Variants in FOXK2 observed in about 807,000 individuals in gnomAD.
The protein encoded by FOXK2 is forkhead box protein K2.
Under a neutral mutation model 53.3 loss-of-function variants are expected in FOXK2, and 24 were observed. The ratio of observed to expected loss-of-function variants is 0.45; its 90% CI spans 0.33 to 0.63. The LOEUF is 0.63. FOXK2 is among the 30% of genes least tolerant of loss of function. The pLI is 0.03. For missense variants in FOXK2, 952 were observed against 910.5 expected, an observed-to-expected ratio of 1.05 and a Z score of -0.59; for synonymous variants, 505 against 407.1, an observed-to-expected ratio of 1.24 and a Z score of -2.89.
In FOXK2 at chr17:82,601,337, C is replaced by G. The variant is rs757673228; in HGVS notation, c.1821C>G (p.His607Gln). The G allele has an allele frequency of 1.2e-6, 2 of 1,613,126 alleles. No homozygotes were observed. Among genetic ancestry groups the G allele is most frequent in the East Asian group, 2.2e-5 (1 of 44,878 alleles). The change falls in exon 9 of 9, where the codon CAC becomes CAG. Residue 607 changes from histidine to glutamine, a missense_variant. Transcript: ENST00000335255. The part of the protein sequence containing the change: ...AASPLHMLAT[H>Q]ASASASLPTK... Reference sequence around the variant, plus strand: ...GTCCTTTGCACATGTTGGCAACACACGCATCCGCATCGGCCTCCCTGCCCA... The same window carrying G: ...GTCCTTTGCACATGTTGGCAACACAGGCATCCGCATCGGCCTCCCTGCCCA...
Position 82,566,779 on chromosome 17 carries a change from C to T in FOXK2, c.615-1275C>T, listed in dbSNP as rs77726723. On this transcript the variant is annotated intron_variant, in intron 2 of 8. Transcript: ENST00000335255. Reference sequence around the variant, plus strand: ...CCTTGCTTGCCCCTCCCCACACCTGCACAGACCTTTGTCAGGGGGAACCCA... The same window carrying T: ...CCTTGCTTGCCCCTCCCCACACCTGTACAGACCTTTGTCAGGGGGAACCCA... 9.9e-3 allele frequency among the ~76,000 whole-genome samples: 1,515 copies of T among 152,298 alleles called. 28 individuals are homozygous for T. The highest frequency in any genetic ancestry group is 0.035 in the African/African-American group (1,455 of 41,546).
At chr17:82,559,263 G>A in intron 1 of FOXK2, 1 of 423,352 alleles carries the variant, frequency 2.4e-6, no homozygotes, top group Middle Eastern at 6.8e-4. Flanking sequence ...TTTCCACTGA[G>A]CTTCAGTCTG....
chr17:82,590,088 T>C (rs556685972), intron 8 of FOXK2, among the ~76,000 whole-genome samples: 5 of 152,108 alleles, frequency 3.3e-5, no homozygotes, highest in South Asian at 2.1e-4. Context: ...TTTCCTATTA[T>C]TGCTTTCATG....
chr17:82,571,124 G>A (rs2044912911), intron 3 of FOXK2, among the ~76,000 whole-genome samples: 1 of 152,156 alleles, frequency 6.6e-6, no homozygotes, highest in Non-Finnish European at 1.5e-5. Context: ...TGTACCCCTG[G>A]GGTAGCTGAC....
At position 82,546,506 on chromosome 17, in the gene FOXK2, G is replaced by A. The variant is rs1012834679; in HGVS notation, c.420-16848G>A. Reference sequence around the variant, plus strand: ...CTTGTAAGTGTGGTGGGGAAGCTAGGAGTCTGAGTGCACATGCAGGAGCTC... The same window carrying A: ...CTTGTAAGTGTGGTGGGGAAGCTAGAAGTCTGAGTGCACATGCAGGAGCTC... On this transcript the variant is annotated intron_variant, in intron 1 of 8. Coordinates refer to ENST00000335255, the MANE Select transcript of FOXK2 (RefSeq NM_004514.4). 3.0e-4 allele frequency among the ~76,000 whole-genome samples: 45 copies of A among 152,172 alleles called. 1 individual carries two copies. Among genetic ancestry groups the A allele is most frequent in the Admixed American group, 2.9e-3 (45 of 15,280 alleles).
chr17:82,521,391 A>T (rs1489249793), intron 1 of FOXK2, among the ~76,000 whole-genome samples: 1 of 148,892 alleles, frequency 6.7e-6, no homozygotes, highest in East Asian at 2.0e-4. Context: ...CCAGGCTGGT[A>T]TTGAACTCCT....
rs777565604 is a variant in FOXK2 at position 82,519,970 on chromosome 17, G to A, written c.82G>A (p.Gly28Ser). 11 of 1,189,698 alleles carry A rather than the reference G, an allele frequency of 9.2e-6. No homozygotes were observed. The African/African-American group carries it at 1.3e-4, about 14-fold the overall frequency. The allele number at this position is 1,189,698 out of a possible 1,614,324, so 73.7% of individuals were successfully genotyped here. A position where few individuals can be genotyped will look rare whatever the true frequency, so the allele number is the denominator to read the frequency against. ...GGCCGGGGGCGGCGGGGCCGGGGGCGGCGGGTCCCCGCCGGGCGGCTGGGC... is the reference window on the plus strand; with the variant it reads ...GGCCGGGGGCGGCGGGGCCGGGGGCAGCGGGTCCCCGCCGGGCGGCTGGGC... ...GGAGGGGAGGGGSPPGGWAVA... is the reference protein window; with the variant it reads ...GGAGGGGAGGSGSPPGGWAVA... Residue 28 changes from glycine to serine, a missense_variant, in exon 1 of 9, where the codon GGC becomes AGC. Transcript: ENST00000335255.
At chr17:82,574,192 C>G (rs2044954881) in intron 4 of FOXK2, among the ~76,000 whole-genome samples, 2 of 152,224 alleles carry the variant, frequency 1.3e-5, no homozygotes, top group African/African-American at 4.8e-5. Context: ...GTCTGTAAGT[C>G]TACAGCTGCA....
At chr17:82,553,022 G>C in intron 1 of FOXK2, among the ~76,000 whole-genome samples, 1 of 152,136 alleles carries the variant, frequency 6.6e-6, no homozygotes, top group African/African-American at 2.4e-5. Context: ...TGCAACCTCT[G>C]CCTCCTGAGT....
chr17:82,584,121 T>A lies in FOXK2; in HGVS notation c.1212T>A (p.Pro404=). 6.2e-7 allele frequency: 1 copy of A among 1,611,110 alleles called. No homozygotes were observed. Among genetic ancestry groups the A allele is most frequent in the Non-Finnish European group, 8.5e-7 (1 of 1,179,816 alleles). Reference sequence around the variant, plus strand: ...AAGGTTCGCCGGCCCCCCTGGAGCCTGAGCCTGGCGCTGCACAGCCCAAAC... The same window carrying A: ...AAGGTTCGCCGGCCCCCCTGGAGCCAGAGCCTGGCGCTGCACAGCCCAAAC... ...SREGSPAPLE[P]EPGAAQPKLA... Residue 404 remains proline, a synonymous_variant, in exon 6 of 9, where the codon CCT becomes CCA. Transcript: ENST00000335255.
intron 1 of FOXK2, among the ~76,000 whole-genome samples, chr17:82,538,050 C>G (rs1247051277): frequency 6.6e-6 from 1 of 151,082 alleles, no homozygotes. Context: ...ATGGTGAAAC[C>G]CTGTCTCTAC....
intron 1 of FOXK2, among the ~76,000 whole-genome samples, chr17:82,537,221 C>G (rs2044529229): frequency 6.6e-6 from 1 of 152,098 alleles, no homozygotes; most frequent in South Asian, 2.1e-4. Context: ...AATTCAGATA[C>G]TTGTTGACTG....
At chr17:82,573,318 C>T (rs962653317) in intron 4 of FOXK2, among the ~76,000 whole-genome samples, 1 of 152,000 alleles carries the variant, frequency 6.6e-6, no homozygotes, top group Non-Finnish European at 1.5e-5. Flanking sequence ...CTTGTGCCCA[C>T]CCCCCATACC....
intron 1 of FOXK2, among the ~76,000 whole-genome samples, chr17:82,561,594 T>TG (rs927990991): frequency 6.6e-6 from 1 of 151,552 alleles, no homozygotes; most frequent in Non-Finnish European, 1.5e-5. Flanking sequence ...ACCAAGACCG[T>TG]GGGGAGGACT....
chr17:82,526,278 TAAG>T (rs970020264), intron 1 of FOXK2, among the ~76,000 whole-genome samples: 3 of 151,650 alleles, frequency 2.0e-5, no homozygotes, highest in Admixed American at 2.0e-4. Context: ...AAAGAAGAAG[TAAG>T]AAGGAGGGGG....
At chr17:82,571,678 A>G in intron 3 of FOXK2, 46 bp from the exon 4 acceptor site, 1 of 1,457,272 alleles carries the variant, frequency 6.9e-7, no homozygotes, top group Non-Finnish European at 9.1e-7. Flanking sequence ...TTAATACAAA[A>G]TATGGTAACT....
At chr17:82,560,001 CTTTTTTTTTTT>C (rs10583366) in intron 1 of FOXK2, among the ~76,000 whole-genome samples, 5 of 97,574 alleles carry the variant, frequency 5.1e-5, no homozygotes, top group South Asian at 3.7e-4. Context: ...TCTGGATAGA[CTTTTTTTTTTT>C]TTTTTTTTTT....
At chr17:82,584,973 T>G (rs1027555261) in intron 6 of FOXK2, among the ~76,000 whole-genome samples, 1 of 152,262 alleles carries the variant, frequency 6.6e-6, no homozygotes, top group African/African-American at 2.4e-5. Flanking sequence ...GTGTCCAAAC[T>G]GTCTGTTACA....
At position 82,602,832 on chromosome 17, in the gene FOXK2, G is replaced by A. The variant is rs1022612335; in HGVS notation, c.*1333G>A. 6 of 152,284 alleles carry A rather than the reference G, an allele frequency of 3.9e-5. No homozygotes were observed. The highest frequency in any genetic ancestry group is 1.4e-4 in the African/African-American group (6 of 41,468). 9.4% of individuals were successfully genotyped at this position (152,284 alleles called of 1,614,324 possible). A position where few individuals can be genotyped will look rare whatever the true frequency, so the allele number is the denominator to read the frequency against. ...CCGAGGGCCGAGGGCCGTGCACATG[G>A]GGAGAGGGCGTCAGCCTGATGGCTG... is the stretch of plus-strand genomic sequence containing the variant. On this transcript the variant is annotated 3_prime_UTR_variant, in exon 9 of 9. Coordinates refer to ENST00000335255, the MANE Select transcript of FOXK2 (RefSeq NM_004514.4).
Sources: allele counts gnomAD v4.1 joint callset (sites outside exome capture counted in the v4.1 genomes callset), GRCh38; gene constraint gnomAD v4.1.1; transcripts MANE v1.5; gene names NCBI Gene and HGNC (gene_info 2026-07-23, HGNC 2026-07-21).